RANBP3L: variants seen among roughly 807,000 people sequenced by gnomAD.
RANBP3L encodes RAN binding protein 3 like, also known as ran-binding protein 3-like.
Under a neutral mutation model 67.2 loss-of-function variants are expected in RANBP3L, and 56 were observed. The ratio of observed to expected loss-of-function variants is 0.83; its 90% confidence interval spans 0.67 to 1.04. RANBP3L has a LOEUF of 1.04. Among genes scored for constraint, RANBP3L ranks in the 50% least tolerant of loss-of-function variants. The probability of loss-of-function intolerance (pLI) is 0.00; values close to 1 mark genes in which losing one functional copy is unlikely to be tolerated. For synonymous variants in RANBP3L, 164 were observed against 181.4 expected (o/e 0.90, Z 0.77); for missense variants, 496 against 535.5 (o/e 0.93, Z 0.73).
At chr5:36,251,249 T>G (rs1748568574) in intron 13 of RANBP3L, 64 bp downstream of exon 13, 1 of 1,358,230 alleles carries the variant, frequency 7.4e-7, no homozygotes, top group African/African-American at 1.4e-5. Context: ...CTACCTAATA[T>G]ATTAGGATCG....
chr5:36,251,452 A>G lies in RANBP3L; in HGVS notation c.1215T>C (p.Arg405=), dbSNP rs1299252881. The G allele has an allele frequency of 1.9e-6, 3 of 1,612,762 alleles. No individual in the cohort carries two copies. Among genetic ancestry groups the G allele is most frequent in the Non-Finnish European group, 1.7e-6 (2 of 1,179,272 alleles). Reference sequence around the variant, plus strand: ...TATTGAAGCTTTGAAGTGCAACAAGACGATGATGTATTGCTGCATACAAAT... The same window carrying G: ...TATTGAAGCTTTGAAGTGCAACAAGGCGATGATGTATTGCTGCATACAAAT... ...TAYLYAAIHH[R]LVALQSFNKQ... The change falls in exon 13 of 14, where the codon CGT becomes CGC. Residue 405 remains arginine, a synonymous_variant. Coordinates refer to ENST00000296604, the MANE Select transcript of RANBP3L (RefSeq NM_145000.5).
chr5:36,249,346 A>T lies in RANBP3L; in HGVS notation c.*308T>A. On this transcript the variant is annotated 3_prime_UTR_variant, in exon 14 of 14. Coordinates refer to ENST00000296604, the MANE Select transcript of RANBP3L (RefSeq NM_145000.5). ...AATCTAGCAATTTATAATTCTAAGT[A>T]TTATATCCATCAATGTGATGAAGAG... is the stretch of plus-strand genomic sequence containing the variant. The T allele has an allele frequency of 5.4e-6, 1 of 184,704 alleles. No individual in the cohort carries two copies. Among genetic ancestry groups the T allele is most frequent in the Non-Finnish European group, 1.1e-5 (1 of 89,946 alleles). 11.4% of individuals were successfully genotyped at this position (184,704 alleles called of 1,614,324 possible). A position where few individuals can be genotyped will look rare whatever the true frequency, so the allele number is the denominator to read the frequency against.
At chr5:36,270,065 T>G in intron 2 of RANBP3L, 75 bp from the exon 3 acceptor site, 1 of 1,357,734 alleles carries the variant, frequency 7.4e-7, no homozygotes, top group Non-Finnish European at 1.1e-6. Context: ...GTTATTGCAG[T>G]TTTGGCAATT....
chr5:36,268,267 A>C, intron 4 of RANBP3L: 1 of 1,527,072 alleles, frequency 6.5e-7, no homozygotes, highest in Non-Finnish European at 8.8e-7. Flanking sequence ...CAAGGTTGAC[A>C]CTAAAAGCAG....
intron 1 of RANBP3L, among the ~76,000 whole-genome samples, chr5:36,287,550 G>T (rs1751414419): frequency 6.6e-6 from 1 of 152,180 alleles, no homozygotes. Flanking sequence ...GATAACTCAT[G>T]AGTCAGTTGT....
At chr5:36,281,680 A>G (rs1482596123) in intron 1 of RANBP3L, among the ~76,000 whole-genome samples, 1 of 152,156 alleles carries the variant, frequency 6.6e-6, no homozygotes, top group Admixed American at 6.6e-5. Context: ...ACACTGCAAG[A>G]TGCTTCTGTT....
chr5:36,277,398 ATCTC>A (rs746299512), intron 1 of RANBP3L, among the ~76,000 whole-genome samples: 263 of 100,346 alleles, frequency 2.6e-3, no homozygotes, highest in East Asian at 0.011. Flanking sequence ...CAGCTTTTTC[ATCTC>A]TCTCTCTCTC....
chr5:36,254,089 G>A (rs924889707), intron 11 of RANBP3L, among the ~76,000 whole-genome samples: 7 of 152,024 alleles, frequency 4.6e-5, no homozygotes, highest in East Asian at 1.9e-4. Context: ...TGTCTACAAT[G>A]AAGAAAACCA....
Position 36,251,409 on chromosome 5 carries a change from G to A in RANBP3L, c.1258C>T (p.Gln420Ter). The change falls in exon 13 of 14, where the codon CAA (glutamine) becomes TAA (stop). Residue 420 changes from glutamine to a stop codon, truncating the protein, a stop_gained. Transcript: ENST00000296604. LOFTEE classifies it high-confidence loss of function. ...GCTGTTTCTGACAGGCTTTCAGCTT[G>A]ATTGACATCTCTCTGCTTATTGAAG... The part of the protein sequence containing the change: ...QSFNKQRDVN[Q>*]AESLSETAQQ... 1 of 1,613,286 alleles carries A rather than the reference G, an allele frequency of 6.2e-7. No individual in the cohort carries two copies. Among genetic ancestry groups the A allele is most frequent in the South Asian group, 1.1e-5 (1 of 90,986 alleles).
At chr5:36,265,985 A>AG (rs1749749292) in intron 4 of RANBP3L, among the ~76,000 whole-genome samples, 6 of 144,382 alleles carry the variant, frequency 4.2e-5, no homozygotes, top group African/African-American at 1.7e-4. Context: ...TTCAAAAAAA[A>AG]AAAAAAAAAA....
intron 1 of RANBP3L, among the ~76,000 whole-genome samples, chr5:36,272,511 T>G (rs977867713): frequency 3.3e-5 from 5 of 152,232 alleles, no homozygotes; most frequent in African/African-American, 1.2e-4. Context: ...CTCCACAATC[T>G]TATCTCATAA....
chr5:36,267,923 A>G (rs1053726610), intron 4 of RANBP3L, among the ~76,000 whole-genome samples: 5 of 146,240 alleles, frequency 3.4e-5, no homozygotes, highest in African/African-American at 1.4e-4. Context: ...TTTTACTTTT[A>G]TAGGGCTGCC....
intron 1 of RANBP3L, among the ~76,000 whole-genome samples, chr5:36,288,133 T>C (rs892882175): frequency 1.2e-4 from 19 of 152,224 alleles, no homozygotes; most frequent in Admixed American, 2.0e-4. Flanking sequence ...ACATTTTTAT[T>C]GCCCCAGTGT....
intron 11 of RANBP3L, among the ~76,000 whole-genome samples, 193 bp downstream of exon 11, chr5:36,255,277 A>G (rs1189199812): frequency 6.6e-6 from 1 of 152,118 alleles, no homozygotes; most frequent in Non-Finnish European, 1.5e-5. Flanking sequence ...TGCTGGAGCC[A>G]GAACTGGAGC....
chr5:36,256,871 C>T (rs531574173), intron 10 of RANBP3L, 70 bp downstream of exon 10: 33 of 1,375,712 alleles, frequency 2.4e-5, no homozygotes, highest in Non-Finnish European at 3.2e-5. Context: ...TTTAAAGATG[C>T]CTCTTCTCAT....
At chr5:36,275,219 CT>C (rs1161675133) in intron 1 of RANBP3L, among the ~76,000 whole-genome samples, 3 of 152,146 alleles carry the variant, frequency 2.0e-5, no homozygotes, top group Non-Finnish European at 4.4e-5. Flanking sequence ...GGGTCAAGTG[CT>C]TTTATCCATC....
chr5:36,266,010 G>A (rs182957907), intron 4 of RANBP3L, among the ~76,000 whole-genome samples: 3 of 150,740 alleles, frequency 2.0e-5, no homozygotes, highest in East Asian at 3.9e-4. Flanking sequence ...AGATATTGCC[G>A]GATGCGTCCT....
chr5:36,266,203 T>A (rs918767373), intron 4 of RANBP3L, among the ~76,000 whole-genome samples: 3 of 152,246 alleles, frequency 2.0e-5, no homozygotes, highest in Admixed American at 2.0e-4. Context: ...ATAAAACTGT[T>A]AGCAAAGTCT....
chr5:36,262,078 G>T (rs1749439368), intron 6 of RANBP3L, 36 bp from the exon 7 acceptor site: 2 of 1,025,320 alleles, frequency 2.0e-6, no homozygotes, highest in Admixed American at 3.5e-5. Flanking sequence ...AGTTTATAAA[G>T]ACTACCTTAC....
Sources: gnomAD v4.1 joint callset for allele counts (sites outside exome capture counted in the v4.1 genomes callset) on GRCh38, gnomAD v4.1.1 for gene constraint, MANE v1.5 for transcripts, NCBI Gene and HGNC (gene_info 2026-07-23, HGNC 2026-07-21) for gene names.